TBC1D1: variants seen among roughly 807,000 people sequenced by gnomAD.
TBC1D1 encodes TBC1 domain family member 1.
Under a neutral mutation model 125.6 loss-of-function variants are expected in TBC1D1, and 89 were observed. That is an observed-to-expected ratio of 0.71 (90% CI 0.60 to 0.85). The LOEUF (loss-of-function observed/expected upper bound fraction) is 0.85. TBC1D1 is among the 40% of genes least tolerant of loss of function. TBC1D1 has a pLI of 0.00. For synonymous variants in TBC1D1, 565 were observed against 564.1 expected (o/e 1.00, Z -0.02); for missense variants, 1,377 against 1,469.2 (o/e 0.94, Z 1.03).
rs750857832 is a variant in TBC1D1 at position 38,044,410 on chromosome 4, G to T, written c.1462G>T (p.Ala488Ser). The T allele has an allele frequency of 5.6e-6, 9 of 1,613,438 alleles. No homozygotes were observed. The highest frequency in any genetic ancestry group is 7.6e-6 in the Non-Finnish European group (9 of 1,179,874). ...TATTGGAAGTGAATTACCACCCAGTGCCACTCGATTTAGGCTAGATATGCT... is the reference window on the plus strand; with the variant it reads ...TATTGGAAGTGAATTACCACCCAGTTCCACTCGATTTAGGCTAGATATGCT... The change falls in exon 9 of 20, where the codon GCC becomes TCC. Residue 488 changes from alanine (A) to serine (S), a missense_variant. Around this residue, in one of 3 missense-constraint regions of TBC1D1, gnomAD observed 822 missense variants for 824.6 expected, o/e 1.00. Transcript: ENST00000261439.
intron 9 of TBC1D1, 48 bp downstream of exon 9, chr4:38,044,538 G>C: frequency 6.3e-7 from 1 of 1,574,870 alleles, no homozygotes; most frequent in Non-Finnish European, 8.6e-7. Context: ...CTTTTTAGGA[G>C]AGTGTAAGAT....
At chr4:37,935,949 C>T (rs1023875482) in intron 2 of TBC1D1, among the ~76,000 whole-genome samples, 6 of 152,168 alleles carry the variant, frequency 3.9e-5, no homozygotes, top group African/African-American at 1.4e-4. Context: ...AGCTGGCTAA[C>T]TCTAACTCAC....
chr4:38,079,488 C>G (rs928240764), intron 12 of TBC1D1, among the ~76,000 whole-genome samples: 1 of 151,978 alleles, frequency 6.6e-6, no homozygotes, highest in African/African-American at 2.4e-5. Context: ...CGTTGGGAGG[C>G]CGAGGCGGGC....
chr4:37,982,360 AT>A (rs1390223499), intron 2 of TBC1D1, among the ~76,000 whole-genome samples: 1 of 151,802 alleles, frequency 6.6e-6, no homozygotes, highest in Non-Finnish European at 1.5e-5. Context: ...TTGTTTTAAA[AT>A]TTTTTTTTCT....
chr4:37,951,415 T>TA (rs1418066769), intron 2 of TBC1D1, among the ~76,000 whole-genome samples: 3 of 152,130 alleles, frequency 2.0e-5, no homozygotes, highest in Admixed American at 1.3e-4. Context: ...TATAGGTGGT[T>TA]AAAAAAATAC....
intron 2 of TBC1D1, among the ~76,000 whole-genome samples, chr4:37,927,913 G>A (rs4240242): frequency 0.51 from 76,893 of 151,914 alleles, 20,120 homozygotes; most frequent in East Asian, 0.82. Flanking sequence ...CCCTGTTTCT[G>A]AAAAACACAT....
chr4:38,037,087 G>C (rs1274999209), intron 8 of TBC1D1, among the ~76,000 whole-genome samples: 1 of 151,940 alleles, frequency 6.6e-6, no homozygotes, highest in African/African-American at 2.4e-5. Context: ...TGATAATTTT[G>C]AAGTAATTTA....
chr4:38,044,932 GTAAA>G (rs1454235357), intron 9 of TBC1D1, among the ~76,000 whole-genome samples: 2 of 152,112 alleles, frequency 1.3e-5, no homozygotes, highest in Admixed American at 6.5e-5. Flanking sequence ...TCCTATTTTT[GTAAA>G]TAAAGTTTTG....
chr4:38,006,780 A>C (rs565907775), intron 2 of TBC1D1: 5 of 489,498 alleles, frequency 1.0e-5, no homozygotes, highest in South Asian at 6.0e-5. Context: ...CGCCTGGCCC[A>C]ACACTATTTC....
chr4:38,084,209 C>T (rs1560757961), intron 12 of TBC1D1, among the ~76,000 whole-genome samples: 1 of 152,212 alleles, frequency 6.6e-6, no homozygotes, highest in Non-Finnish European at 1.5e-5. Flanking sequence ...GCTGGGATTA[C>T]AGGTGTGAGC....
chr4:38,073,937 A>G (rs1442373748), intron 12 of TBC1D1, among the ~76,000 whole-genome samples: 1 of 152,204 alleles, frequency 6.6e-6, no homozygotes, highest in Non-Finnish European at 1.5e-5. Context: ...TTTTAAGACA[A>G]CCAAAAGGAT....
intron 2 of TBC1D1, among the ~76,000 whole-genome samples, chr4:38,003,304 G>A (rs1739426121): frequency 1.3e-5 from 2 of 152,138 alleles, no homozygotes; most frequent in South Asian, 4.2e-4. Context: ...TCTAGGGCTG[G>A]CAGAAGGAAG....
chr4:37,944,241 C>T (rs539880746), intron 2 of TBC1D1, among the ~76,000 whole-genome samples: 12 of 152,270 alleles, frequency 7.9e-5, no homozygotes, highest in African/African-American at 2.4e-4. Context: ...GTCAGTCTGC[C>T]CCTACTGGGG....
intron 2 of TBC1D1, among the ~76,000 whole-genome samples, chr4:37,990,475 C>T (rs1483194488): frequency 2.0e-5 from 3 of 152,084 alleles, no homozygotes; most frequent in South Asian, 2.1e-4. Context: ...ACCAAAAGCC[C>T]GCTTATGAGT....
chr4:37,937,949 A>G (rs1455702338), intron 2 of TBC1D1, among the ~76,000 whole-genome samples: 1 of 152,220 alleles, frequency 6.6e-6, no homozygotes, highest in African/African-American at 2.4e-5. Context: ...ATGACATCTA[A>G]CATTGTGATG....
chr4:38,044,321 G>C (rs1748992249), intron 8 of TBC1D1, 41 bp from the exon 9 acceptor site: 6 of 1,575,398 alleles, frequency 3.8e-6, no homozygotes, highest in Admixed American at 2.0e-5. Flanking sequence ...AAGAAGCAGA[G>C]AAGGGAGCGA....
chr4:37,989,731 G>A (rs1321798725), intron 2 of TBC1D1, among the ~76,000 whole-genome samples: 1 of 152,204 alleles, frequency 6.6e-6, no homozygotes, highest in Non-Finnish European at 1.5e-5. Flanking sequence ...ATGGGGGAGA[G>A]AGGAGGACAT....
At chr4:38,052,712 ACGCGCGCGCGCGCGCG>A (rs58267781) in intron 11 of TBC1D1, among the ~76,000 whole-genome samples, 5,665 of 125,558 alleles carry the variant, frequency 0.045, 153 homozygotes, top group African/African-American at 0.092. Flanking sequence ...ATACACACAC[ACGCGCGCGCGCGCGCG>A]CACACACACA....
intron 15 of TBC1D1, among the ~76,000 whole-genome samples, chr4:38,114,278 G>A (rs1762612407): frequency 6.6e-6 from 1 of 152,182 alleles, no homozygotes; most frequent in Non-Finnish European, 1.5e-5. Flanking sequence ...ATATCTGGGG[G>A]AGATTTACTG....
Sources: gnomAD v4.1 joint callset for allele counts (sites outside exome capture counted in the v4.1 genomes callset) on GRCh38, gnomAD v4.1.1 for gene constraint, gnomAD v4.1.1 regional missense constraint, MANE v1.5 for transcripts, NCBI Gene and HGNC (gene_info 2026-07-23, HGNC 2026-07-21) for gene names.